The following TEX15 variants were observed in gnomAD, a reference collection of about 807,000 sequenced individuals.
The protein encoded by TEX15 is testis-expressed protein 15.
In TEX15, 171 loss-of-function variants were observed where a neutral mutation model predicts 237.3. The observed-to-expected ratio is 0.72, with a 90% CI of 0.64 to 0.82. The LOEUF is 0.82. TEX15 is among the 40% of genes least tolerant of loss of function. TEX15 has a pLI of 0.00. For missense variants in TEX15, 3,750 were observed against 3,646.5 expected (o/e 1.03, Z -0.73); for synonymous variants, 1,338 against 1,269.8 (o/e 1.05, Z -1.14).
rs1807216162 is a variant in TEX15 at position 30,833,074 on chromosome 8, T to C, written c.*212A>G. 1.9e-5 allele frequency: 8 copies of C among 429,096 alleles called. No individual in the cohort carries two copies. The East Asian group carries it at 3.1e-4, about 17-fold the overall frequency. The allele number at this position is 429,096 out of a possible 1,614,324, so 26.6% of individuals were successfully genotyped here. On this transcript the variant is annotated 3_prime_UTR_variant, in exon 11 of 11. Coordinates refer to ENST00000643185, the MANE Select transcript of TEX15 (RefSeq NM_001350162.2). Reference sequence around the variant, plus strand: ...GATCATATTACCCTCCCCTTATAATTGCATGGAAATAATTCTGGTATATCA... The same window carrying C: ...GATCATATTACCCTCCCCTTATAATCGCATGGAAATAATTCTGGTATATCA...
intron 5 of TEX15, among the ~76,000 whole-genome samples, chr8:30,862,795 T>C (rs1808080268): frequency 6.6e-6 from 1 of 152,178 alleles, no homozygotes; most frequent in Non-Finnish European, 1.5e-5. Flanking sequence ...TTTCTCTTTA[T>C]GTTTATTTCT....
In TEX15 at chr8:30,878,445, G is replaced by A. The variant is rs567866598; in HGVS notation, c.137-3343C>T. 6.3e-4 allele frequency among the ~76,000 whole-genome samples: 96 copies of A among 152,126 alleles called. No homozygotes were observed. The South Asian group carries it at 0.015, about 24-fold the overall frequency. Reference sequence around the variant, plus strand: ...GTTGCCCAGGCTAGAGTGCAATGGCGCGATCTCGGCTCACCACAACCTCTG... The same window carrying A: ...GTTGCCCAGGCTAGAGTGCAATGGCACGATCTCGGCTCACCACAACCTCTG... On this transcript the variant is annotated intron_variant, in intron 3 of 10. Transcript: ENST00000643185.
chr8:30,847,969 C>T lies in TEX15; in HGVS notation c.2198G>A (p.Gly733Asp). Residue 733 changes from glycine (G) to aspartate (D), a missense_variant, in exon 8 of 11, where the codon GGT (glycine) becomes GAT (aspartate). Gly to Asp is a moderately conservative substitution (Grantham distance 94). Coordinates refer to ENST00000643185, the MANE Select transcript of TEX15 (RefSeq NM_001350162.2). ...KHPQHSVEYE[G>D]NIHTSLAIAQ... is the part of the protein sequence containing the mutation. The stretch of plus-strand genomic sequence containing the variant: ...AATGGCTAAACTTGTATGAATGTTA[C>T]CCTCATACTCCACAGAGTGCTGAGG... 1 of 1,613,920 alleles carries T rather than the reference C, an allele frequency of 6.2e-7. No homozygotes were observed. The highest frequency in any genetic ancestry group is 8.5e-7 in the Non-Finnish European group (1 of 1,179,914).
chr8:30,895,900 C>T (rs1225403192), intron 2 of TEX15, among the ~76,000 whole-genome samples: 3 of 151,870 alleles, frequency 2.0e-5, no homozygotes, highest in Admixed American at 6.6e-5. Context: ...AGGATGATCT[C>T]GATCTCCTGA....
chr8:30,889,092 A>G lies in TEX15; in HGVS notation c.-9-1781T>C, dbSNP rs148799861. ...TAATCATGATCTGTAACAACAGCAC[A>G]TAAAGGTAAAGAATAATCAGTTGAA... On this transcript the variant is annotated intron_variant, in intron 2 of 10. Coordinates refer to ENST00000643185, the MANE Select transcript of TEX15 (RefSeq NM_001350162.2). 2.1e-4 allele frequency among the ~76,000 whole-genome samples: 32 copies of G among 152,366 alleles called. 1 individual carries two copies. The East Asian group carries it at 6.2e-3, about 29-fold the overall frequency.
chr8:30,907,482 T>G (rs893916361), intron 1 of TEX15, among the ~76,000 whole-genome samples: 2 of 147,080 alleles, frequency 1.4e-5, no homozygotes, highest in Admixed American at 1.4e-4. Flanking sequence ...TATATATAAA[T>G]TATATATAAA....
Position 30,837,934 on chromosome 8 carries a change from A to C in TEX15, c.8350T>G (p.Leu2784Val). 2.5e-6 allele frequency: 4 copies of C among 1,614,118 alleles called. No individual in the cohort carries two copies. Among genetic ancestry groups the C allele is most frequent in the Non-Finnish European group, 3.4e-6 (4 of 1,180,014 alleles). ...GCGCAAGTGTCTTTTGGGTTCTCTAAGGGTAAAAGTGAGCCAGGTAGTGAT... is the reference window on the plus strand; with the variant it reads ...GCGCAAGTGTCTTTTGGGTTCTCTACGGGTAAAAGTGAGCCAGGTAGTGAT... ...QRSLPGSLLP[L>V]ENPKDTCASK... Residue 2784 changes from leucine to valine, a missense_variant, in exon 10 of 11, where the codon TTA becomes GTA. Leu to Val is a conservative substitution (Grantham distance 32). Coordinates refer to ENST00000643185, the MANE Select transcript of TEX15 (RefSeq NM_001350162.2).
chr8:30,832,902 G>A lies in TEX15; in HGVS notation c.*384C>T, dbSNP rs1456913993. 6.5e-6 allele frequency: 1 copy of A among 154,910 alleles called. No individual in the cohort carries two copies. The highest frequency in any genetic ancestry group is 1.4e-5 in the Non-Finnish European group (1 of 69,956). 9.6% of individuals were successfully genotyped at this position (154,910 alleles called of 1,614,324 possible). A position where few individuals can be genotyped will look rare whatever the true frequency, so the allele number is the denominator to read the frequency against. On this transcript the variant is annotated 3_prime_UTR_variant, in exon 11 of 11. Transcript: ENST00000643185. ...AGAATTGTAAATTATATAATAAAGTGTCAAGAATTATAAAATTCTTGGTTT... is the reference window on the plus strand; with the variant it reads ...AGAATTGTAAATTATATAATAAAGTATCAAGAATTATAAAATTCTTGGTTT...
intron 7 of TEX15, among the ~76,000 whole-genome samples, chr8:30,855,207 TA>T (rs1454536733): frequency 2.6e-5 from 4 of 151,782 alleles, no homozygotes; most frequent in Admixed American, 6.6e-5. Context: ...CAAAGACCAC[TA>T]AAAAAAATCT....
At chr8:30,907,712 GAT>G (rs1277806736) in intron 1 of TEX15, among the ~76,000 whole-genome samples, 3 of 113,066 alleles carry the variant, frequency 2.7e-5, no homozygotes, top group Non-Finnish European at 3.6e-5. Flanking sequence ...ATATAAATTA[GAT>G]ATAAAATTTA....
chr8:30,850,224 A>G (rs937425380), intron 7 of TEX15, among the ~76,000 whole-genome samples: 1 of 152,186 alleles, frequency 6.6e-6, no homozygotes. Context: ...CAAATAATAT[A>G]TGCAAATAAA....
chr8:30,902,248 T>C (rs867221153), intron 1 of TEX15, among the ~76,000 whole-genome samples: 26 of 151,672 alleles, frequency 1.7e-4, no homozygotes, highest in African/African-American at 6.1e-4. Flanking sequence ...TTCCTTAATG[T>C]ATCAGGAATC....
intron 3 of TEX15, among the ~76,000 whole-genome samples, chr8:30,878,048 T>C (rs573889982): frequency 6.6e-6 from 1 of 151,540 alleles, no homozygotes; most frequent in East Asian, 1.9e-4. Context: ...TTGTCATTTC[T>C]AGAATATTTG....
chr8:30,873,880 T>A (rs1206972892), intron 4 of TEX15, among the ~76,000 whole-genome samples: 1 of 152,192 alleles, frequency 6.6e-6, no homozygotes, highest in Admixed American at 6.6e-5. Flanking sequence ...CCTATACATG[T>A]TGGTCATTTA....
At chr8:30,834,807 G>A (rs1307816667) in intron 10 of TEX15, among the ~76,000 whole-genome samples, 1 of 152,144 alleles carries the variant, frequency 6.6e-6, no homozygotes, top group Non-Finnish European at 1.5e-5. Flanking sequence ...AGGTTATAGT[G>A]AATCAGTGAT....
chr8:30,891,512 C>T lies in TEX15; in HGVS notation c.-9-4201G>A, dbSNP rs202076560. On this transcript the variant is annotated intron_variant, in intron 2 of 10. Transcript: ENST00000643185. ...CCTTTTTTTTTTCGACAATGTCTTG[C>T]TCTGTTGCCTGGGCTGGAGTGAAGT... Among the ~76,000 whole-genome samples the T allele has an allele frequency of 1.4e-4, 21 of 151,120 alleles. No homozygotes were observed. The East Asian group carries it at 3.7e-3, about 27-fold the overall frequency.
chr8:30,839,649 C>G (rs1410247996), intron 9 of TEX15, among the ~76,000 whole-genome samples: 1 of 152,110 alleles, frequency 6.6e-6, no homozygotes, highest in Non-Finnish European at 1.5e-5. Context: ...ATATTCTTAA[C>G]CTTTACATCA....
chr8:30,881,725 G>A (rs1055143622), intron 3 of TEX15, among the ~76,000 whole-genome samples: 3 of 149,634 alleles, frequency 2.0e-5, no homozygotes, highest in Admixed American at 6.7e-5. Flanking sequence ...GGGTTCACAC[G>A]ATTCTCCTGT....
intron 10 of TEX15, among the ~76,000 whole-genome samples, chr8:30,836,452 T>G (rs922725340): frequency 2.0e-5 from 3 of 151,992 alleles, no homozygotes; most frequent in Non-Finnish European, 2.9e-5. Flanking sequence ...GACCTCGTGA[T>G]CTGCCCCCCT....
Sources: allele counts gnomAD v4.1 joint callset (sites outside exome capture counted in the v4.1 genomes callset), GRCh38; gene constraint gnomAD v4.1.1; transcripts MANE v1.5; gene names NCBI Gene and HGNC (gene_info 2026-07-23, HGNC 2026-07-21).